Variants in TSC2 observed in about 807,000 individuals in gnomAD.
TSC2 encodes the protein TSC complex subunit 2.
Under a neutral mutation model 202.2 loss-of-function variants are expected in TSC2, and 29 were observed. The ratio of observed to expected loss-of-function variants is 0.14; its 90% CI spans 0.11 to 0.20. The LOEUF (loss-of-function observed/expected upper bound fraction) is 0.20, where lower values mean the gene tolerates loss of function less well. TSC2 is among the 10% of genes least tolerant of loss of function. TSC2 has a pLI of 1.00. For synonymous variants in TSC2, 1,349 were observed against 1,044.0 expected, an observed-to-expected ratio of 1.29 and a Z score of -5.63; for missense variants, 2,429 against 2,420.0, an observed-to-expected ratio of 1.00 and a Z score of -0.08.
In TSC2 at chr16:2,083,644, C is replaced by G. The variant is rs45505099; in HGVS notation, c.3884-51C>G. 6.4e-7 allele frequency: 1 copy of G among 1,554,308 alleles called. No homozygotes were observed. Among genetic ancestry groups the G allele is most frequent in the Non-Finnish European group, 8.7e-7 (1 of 1,149,624 alleles). On this transcript the variant is annotated intron_variant, in intron 32 of 41. Coordinates refer to ENST00000219476, the MANE Select transcript of TSC2 (RefSeq NM_000548.5). ...CTGGTTCTCGGAGGCCACGTCAGGG[C>G]CAGGGCCTGGCCCAGCCCCACATCC...
intron 14 of TSC2, 191 bp from the exon 15 acceptor site, chr16:2,064,081 A>T: frequency 1.2e-6 from 1 of 824,694 alleles, no homozygotes; most frequent in Non-Finnish European, 2.0e-6. Context: ...GAGGAGCTGG[A>T]CAGGATCCCT....
Position 2,062,528 on chromosome 16 carries a change from G to C in TSC2, c.1289G>C (p.Arg430Thr), listed in dbSNP as rs2086770532. The change falls in exon 13 of 42, where the codon AGA (arginine) becomes ACA (threonine). Residue 430 changes from arginine to threonine, a missense_variant. Physicochemically the swap from Arg to Thr is moderately conservative, Grantham distance 71 (BLOSUM62 -1). Transcript: ENST00000219476. Reference sequence around the variant, plus strand: ...TCCCTCCTGAACCTGATCTCCTATAGAGCGCAGTCCATCCACCCGGCCAAG... The same window carrying C: ...TCCCTCCTGAACCTGATCTCCTATACAGCGCAGTCCATCCACCCGGCCAAG... The part of the protein sequence containing the change: ...ESSLLNLISY[R>T]AQSIHPAKDG... 1 of 1,612,238 alleles carries C rather than the reference G, an allele frequency of 6.2e-7. No homozygotes were observed. The highest frequency in any genetic ancestry group is 2.2e-5 in the East Asian group (1 of 44,886).
rs60503633 is a variant in TSC2, at chr16:2,069,701, T to G, written c.1717-755T>G. Among the ~76,000 whole-genome samples, 5 of 152,064 alleles carry G rather than the reference T, an allele frequency of 3.3e-5. No individual in the cohort carries two copies. In the East Asian group the frequency reaches 9.6e-4, roughly 29 times the overall value. On this transcript the variant is annotated intron_variant, in intron 16 of 41. Coordinates refer to ENST00000219476, the MANE Select transcript of TSC2 (RefSeq NM_000548.5). ...TTCACCATGTTAGCCAGGATGGTCT[T>G]GATCTCCTGACCTCATGATCCACCC...
chr16:2,088,881 G>GCGCACAGA lies in TSC2; in HGVS notation c.*272_*273insGCACAGAC, dbSNP rs142285430. 2.4e-6 allele frequency: 1 copy of GCGCACAGA among 410,744 alleles called. No individual in the cohort carries two copies. The allele number at this position is 410,744 out of a possible 1,614,324, so 25.4% of individuals were successfully genotyped here. On this transcript the variant is annotated 3_prime_UTR_variant, in exon 42 of 42. Coordinates refer to ENST00000219476, the MANE Select transcript of TSC2 (RefSeq NM_000548.5). ...ACAGCACACTCGCGCGTGCGCGCGCGCACACACACACACACACAGTCACCT... is the reference window on the plus strand; with the variant it reads ...ACAGCACACTCGCGCGTGCGCGCGCGCGCACAGACACACACACACACACACAGTCACCT...
rs755266040 is a variant in TSC2, at chr16:2,086,888, CAGTG to C, written c.4989+20_4989+23del. The C allele has an allele frequency of 1.0e-5, 16 of 1,568,034 alleles. No homozygotes were observed. The highest frequency in any genetic ancestry group is 1.4e-5 in the African/African-American group (1 of 73,770). Reference sequence around the variant, plus strand: ...ACCATCAAGGTGAGTGAGGGGCCGTCAGTGAGGCTGGGCCCCAGGCAGGTGCCCA... The same window carrying C: ...ACCATCAAGGTGAGTGAGGGGCCGTCAGGCTGGGCCCCAGGCAGGTGCCCA... On this transcript the variant is annotated intron_variant, in intron 38 of 41. Coordinates refer to ENST00000219476, the MANE Select transcript of TSC2 (RefSeq NM_000548.5).
rs142285430 is a variant in TSC2, at chr16:2,088,881, G to GCGCA, written c.*272_*273insGCAC. ...ACAGCACACTCGCGCGTGCGCGCGCGCACACACACACACACACAGTCACCT... is the reference window on the plus strand; with the variant it reads ...ACAGCACACTCGCGCGTGCGCGCGCGCGCACACACACACACACACACAGTCACCT... On this transcript the variant is annotated 3_prime_UTR_variant, in exon 42 of 42. Coordinates refer to ENST00000219476, the MANE Select transcript of TSC2 (RefSeq NM_000548.5). 3.3e-3 allele frequency: 1,375 copies of GCGCA among 420,978 alleles called. 2 individuals are homozygous for GCGCA. The highest frequency in any genetic ancestry group is 4.1e-3 in the African/African-American group (183 of 44,530). The allele number at this position is 420,978 out of a possible 1,614,324, so 26.1% of individuals were successfully genotyped here.
intron 30 of TSC2, chr16:2,081,370 C>T (rs1328538639): frequency 6.5e-6 from 4 of 611,632 alleles, no homozygotes; most frequent in African/African-American, 1.8e-5. Flanking sequence ...GGCTGGAGGC[C>T]GCTGCTCTGA....
chr16:2,063,464 C>A (rs923424698), intron 14 of TSC2: 4 of 315,282 alleles, frequency 1.3e-5, no homozygotes, highest in African/African-American at 8.6e-5. Context: ...GCGGGCTCTC[C>A]CTCTCCACTC....
intron 9 of TSC2, 146 bp downstream of exon 9, chr16:2,057,324 C>T: frequency 3.3e-6 from 3 of 922,982 alleles, no homozygotes; most frequent in Non-Finnish European, 3.4e-6. Context: ...GAGCGAGGCC[C>T]ATGACTTCTA....
chr16:2,066,954 G>A (rs921825074), intron 16 of TSC2, among the ~76,000 whole-genome samples: 3 of 151,666 alleles, frequency 2.0e-5, no homozygotes, highest in Non-Finnish European at 4.4e-5. Context: ...GAGCCACCAC[G>A]CCCGGCCTGC....
Position 2,088,686 on chromosome 16 carries a change from T to G in TSC2, c.*76T>G. ...GAAATAAATAAAGTCCTGACCCCAG[T>G]GCACAGACATAGAGGCACAGATTGC... On this transcript the variant is annotated 3_prime_UTR_variant, in exon 42 of 42. Transcript: ENST00000219476. 6.6e-7 allele frequency: 1 copy of G among 1,517,796 alleles called. No homozygotes were observed. The highest frequency in any genetic ancestry group is 8.8e-7 in the Non-Finnish European group (1 of 1,129,972). The allele number at this position is 1,517,796 out of a possible 1,614,324, so 94.0% of individuals were successfully genotyped here.
chr16:2,055,493 C>T lies in TSC2; in HGVS notation c.573C>T (p.Leu191=), dbSNP rs397515059. 13 of 1,614,008 alleles carry T rather than the reference C, an allele frequency of 8.1e-6. No homozygotes were observed. The highest frequency in any genetic ancestry group is 1.7e-5 in the Admixed American group (1 of 59,998). Residue 191 remains leucine, a synonymous_variant, in exon 6 of 42, where the codon CTC becomes CTT. Coordinates refer to ENST00000219476, the MANE Select transcript of TSC2 (RefSeq NM_000548.5). ...TGGTCAAATTCAATAGCTGTTACCT[C>T]GACGAGTACATCGCAAGGATGGTTC... The part of the protein sequence containing the change: ...VNLVKFNSCY[L]DEYIARMVQM...
intron 16 of TSC2, chr16:2,068,435 C>G (rs2087710581): frequency 6.6e-6 from 1 of 152,202 alleles, no homozygotes; most frequent in Non-Finnish European, 1.5e-5. Context: ...GTGAAAATCC[C>G]CATCTAACTT....
chr16:2,082,463 C>G lies in TSC2; in HGVS notation c.3842C>G (p.Ser1281Cys), dbSNP rs2090262598. 2 of 1,612,518 alleles carry G rather than the reference C, an allele frequency of 1.2e-6. No individual in the cohort carries two copies. The highest frequency in any genetic ancestry group is 1.7e-4 in the Middle Eastern group (1 of 6,060). ...GCCTCTTTCTCCTCCCTGTACCAGTCCAGCTGCCAAGGACAGCTGCACAGG... is the reference window on the plus strand; with the variant it reads ...GCCTCTTTCTCCTCCCTGTACCAGTGCAGCTGCCAAGGACAGCTGCACAGG... The part of the protein sequence containing the change: ...TVASFSSLYQ[S>C]SCQGQLHRSV... The change falls in exon 32 of 42, where the codon TCC (serine) becomes TGC (cysteine). Residue 1281 changes from serine (S) to cysteine (C), a missense_variant. Coordinates refer to ENST00000219476, the MANE Select transcript of TSC2 (RefSeq NM_000548.5).
intron 24 of TSC2, 148 bp from the exon 25 acceptor site, chr16:2,076,343 C>T (rs186665261): frequency 1.9e-5 from 30 of 1,563,274 alleles, no homozygotes; most frequent in Admixed American, 3.6e-5. Flanking sequence ...CTTTGATGCG[C>T]GGCAGGCATT....
intron 22 of TSC2, chr16:2,074,616 G>C (rs2088998885): frequency 4.9e-6 from 3 of 606,136 alleles, no homozygotes; most frequent in Non-Finnish European, 8.8e-6. Flanking sequence ...GCTCCTCCTT[G>C]AAGAAGCCTC....
chr16:2,051,338 G>T (rs1567389685), intron 3 of TSC2, among the ~76,000 whole-genome samples: 1 of 151,408 alleles, frequency 6.6e-6, no homozygotes, highest in African/African-American at 2.4e-5. Context: ...AAAAAAGGAA[G>T]AGTTTGTAGT....
chr16:2,056,367 C>T (rs1180855721), intron 7 of TSC2, 123 bp downstream of exon 7: 6 of 1,373,006 alleles, frequency 4.4e-6, no homozygotes, highest in Non-Finnish European at 6.1e-6. Flanking sequence ...TGCTCGGTCT[C>T]TCTGAGCCTC....
Position 2,088,685 on chromosome 16 carries a change from G to T in TSC2, c.*75G>T, listed in dbSNP as rs1270723400. Reference sequence around the variant, plus strand: ...TGAAATAAATAAAGTCCTGACCCCAGTGCACAGACATAGAGGCACAGATTG... The same window carrying T: ...TGAAATAAATAAAGTCCTGACCCCATTGCACAGACATAGAGGCACAGATTG... On this transcript the variant is annotated 3_prime_UTR_variant, in exon 42 of 42. Coordinates refer to ENST00000219476, the MANE Select transcript of TSC2 (RefSeq NM_000548.5). 1.1e-5 allele frequency: 16 copies of T among 1,521,120 alleles called. No individual in the cohort carries two copies. Among genetic ancestry groups the T allele is most frequent in the Non-Finnish European group, 1.3e-5 (15 of 1,132,656 alleles). The allele number at this position is 1,521,120 out of a possible 1,614,324, so 94.2% of individuals were successfully genotyped here.
Sources: allele counts gnomAD v4.1 joint callset (sites outside exome capture counted in the v4.1 genomes callset), GRCh38; gene constraint gnomAD v4.1.1; transcripts MANE v1.5; gene names NCBI Gene and HGNC (gene_info 2026-07-23, HGNC 2026-07-21).